Variants in ABLIM1 observed in about 807,000 individuals in gnomAD.
The protein encoded by ABLIM1 is actin-binding LIM protein 1.
A neutral mutation model predicts 107.0 loss-of-function variants in ABLIM1; 40 were observed. That is an observed-to-expected ratio of 0.37 (90% CI 0.29 to 0.49). ABLIM1 has a LOEUF of 0.49. Among genes scored for constraint, ABLIM1 ranks in the 20% least tolerant of loss-of-function variants. The probability of loss-of-function intolerance (pLI) is 0.97; values close to 1 mark genes in which losing one functional copy is unlikely to be tolerated. For synonymous variants in ABLIM1, 357 were observed against 357.3 expected (o/e 1.00, Z 0.01); for missense variants, 857 against 1,008.5 (o/e 0.85, Z 2.04).
At chr10:114,558,935 G>GTA (rs2069195855) in intron 4 of ABLIM1, among the ~76,000 whole-genome samples, 3 of 151,860 alleles carry the variant, frequency 2.0e-5, no homozygotes, top group South Asian at 2.1e-4. Flanking sequence ...GTGTGTGTGT[G>GTA]TATACATGTA....
At chr10:114,461,219 T>C (rs893297963) in intron 12 of ABLIM1, among the ~76,000 whole-genome samples, 1 of 151,892 alleles carries the variant, frequency 6.6e-6, no homozygotes, top group Non-Finnish European at 1.5e-5. Flanking sequence ...CGCACCACCA[T>C]GCCCGGCTAA....
chr10:114,460,974 T>C (rs1225948341), intron 12 of ABLIM1, among the ~76,000 whole-genome samples: 1 of 152,246 alleles, frequency 6.6e-6, no homozygotes, highest in East Asian at 1.9e-4. Context: ...AGTTAAAACA[T>C]ATAATAGCCA....
rs2062203900 is a variant in ABLIM1, at chr10:114,453,425, A to G, written c.1500T>C (p.Pro500=). The change falls in exon 13 of 23, where the codon CCT becomes CCC. Residue 500 remains proline, a synonymous_variant. Coordinates refer to ENST00000533213, the MANE Select transcript of ABLIM1 (RefSeq NM_002313.7). Reference sequence around the variant, plus strand: ...GGGCCTGAGCGTAAGTTGGAGTTAGAGGGCGGCTGTCTGGCCGGTAAGGGA... The same window carrying G: ...GGGCCTGAGCGTAAGTTGGAGTTAGGGGGCGGCTGTCTGGCCGGTAAGGGA... ...SPLPYRPDSR[P]LTPTYAQAPK... is the part of the protein sequence containing the mutation. 6.2e-7 allele frequency: 1 copy of G among 1,613,876 alleles called. No individual in the cohort carries two copies. Among genetic ancestry groups the G allele is most frequent in the East Asian group, 2.2e-5 (1 of 44,860 alleles).
chr10:114,725,593 G>C (rs1267003286), intron 1 of ABLIM1, among the ~76,000 whole-genome samples: 1 of 152,030 alleles, frequency 6.6e-6, no homozygotes, highest in Non-Finnish European at 1.5e-5. Context: ...TTGAGGAGAT[G>C]CACTGGGAGT....
chr10:114,462,812 T>C (rs1473658879), intron 12 of ABLIM1, among the ~76,000 whole-genome samples: 1 of 152,074 alleles, frequency 6.6e-6, no homozygotes, highest in Non-Finnish European at 1.5e-5. Context: ...CTTATGGTCT[T>C]AAACATACTT....
chr10:114,452,534 C>T (rs185390625), intron 13 of ABLIM1, among the ~76,000 whole-genome samples: 281 of 150,976 alleles, frequency 1.9e-3, no homozygotes, highest in Non-Finnish European at 3.5e-3. Flanking sequence ...AGTTTAGAAG[C>T]AAAAGAAAAA....
chr10:114,592,466 T>C (rs2074991646), intron 2 of ABLIM1, among the ~76,000 whole-genome samples: 1 of 152,032 alleles, frequency 6.6e-6, no homozygotes, highest in Admixed American at 6.6e-5. Context: ...GAAGGTCAAA[T>C]TGAGGTCTGT....
At chr10:114,444,162 A>C (rs2060664920) in intron 16 of ABLIM1, 28 bp from the exon 17 acceptor site, 15 of 1,516,676 alleles carry the variant, frequency 9.9e-6, no homozygotes, top group Admixed American at 2.2e-5. Flanking sequence ...GAAAAAAAAA[A>C]AAAAAAGAAA....
At chr10:114,763,866 T>A (rs577348280) in intron 1 of ABLIM1, among the ~76,000 whole-genome samples, 191 of 152,292 alleles carry the variant, frequency 1.3e-3, no homozygotes, top group African/African-American at 4.4e-3. Context: ...ATATTCTGAT[T>A]TAGTAGCTCT....
intron 1 of ABLIM1, among the ~76,000 whole-genome samples, chr10:114,646,679 C>T (rs1232478799): frequency 7.2e-5 from 11 of 152,194 alleles, no homozygotes; most frequent in Admixed American, 5.9e-4. Flanking sequence ...GTGGTCCTCA[C>T]GACTACAGGA....
At chr10:114,616,150 T>C (rs747121220) in intron 1 of ABLIM1, among the ~76,000 whole-genome samples, 1 of 152,018 alleles carries the variant, frequency 6.6e-6, no homozygotes, top group Non-Finnish European at 1.5e-5. Flanking sequence ...TTGGGAGACA[T>C]AGCAAGACCC....
intron 1 of ABLIM1, among the ~76,000 whole-genome samples, chr10:114,695,564 T>C (rs1252740648): frequency 2.6e-5 from 4 of 152,068 alleles, no homozygotes; most frequent in Non-Finnish European, 4.4e-5. Context: ...GCAATAATTA[T>C]CCCCCTTTTC....
At position 114,487,965 on chromosome 10, in the gene ABLIM1, T is replaced by C. The variant is rs774893980; in HGVS notation, c.1034A>G (p.Lys345Arg). The change falls in exon 8 of 23, where the codon AAG becomes AGG. Residue 345 changes from lysine (K) to arginine (R), a missense_variant. By Grantham distance (26) the Lys-to-Arg change is conservative. This residue lies in a region of ABLIM1 where 381 missense variants were observed against 506.9 expected (regional missense o/e 0.75). Transcript: ENST00000533213. ...DCKQSTKTEEKLRPTRTSSES... is the reference protein window; with the variant it reads ...DCKQSTKTEERLRPTRTSSES... ...TTTTAATTGTGTCCTTACCCGCAGC[T>C]TTTCCTCGGTCTTCGTAGATTGCTT... is the stretch of plus-strand genomic sequence containing the variant. 3 of 1,614,160 alleles carry C rather than the reference T, an allele frequency of 1.9e-6. No individual in the cohort carries two copies. The highest frequency in any genetic ancestry group is 2.2e-5 in the East Asian group (1 of 44,890).
At chr10:114,674,197 C>T (rs1251202386) in intron 1 of ABLIM1, among the ~76,000 whole-genome samples, 2 of 150,862 alleles carry the variant, frequency 1.3e-5, no homozygotes, top group Non-Finnish European at 1.5e-5. Flanking sequence ...GGCTGAGGCA[C>T]CAGAATTGCT....
chr10:114,706,858 A>T (rs866558412), intron 1 of ABLIM1, among the ~76,000 whole-genome samples: 3,890 of 148,978 alleles, frequency 0.026, 73 homozygotes, highest in Middle Eastern at 0.056. Context: ...TTCTACTTTA[A>T]AAAAAAAAAA....
Position 114,439,200 on chromosome 10 carries a change from A to T in ABLIM1, c.2118T>A (p.Ser706=), listed in dbSNP as rs756123104. 1 of 1,614,266 alleles carries T rather than the reference A, an allele frequency of 6.2e-7. No individual in the cohort carries two copies. The highest frequency in any genetic ancestry group is 8.5e-7 in the Non-Finnish European group (1 of 1,180,044). ...CCTTTGGTTCCAACATGTTGGGCAT[A>T]GACACTCCTCGGTCCATTCTCATTG... ...MPAMRMDRGV[S]MPNMLEPKIF... The change falls in exon 21 of 23, where the codon TCT becomes TCA. Residue 706 remains serine, a synonymous_variant. Coordinates refer to ENST00000533213, the MANE Select transcript of ABLIM1 (RefSeq NM_002313.7).
At chr10:114,695,377 T>A (rs763705242) in intron 1 of ABLIM1, among the ~76,000 whole-genome samples, 1 of 152,012 alleles carries the variant, frequency 6.6e-6, no homozygotes, top group Non-Finnish European at 1.5e-5. Context: ...CCCACTGGAG[T>A]AACCATTACT....
chr10:114,484,657 A>G (rs969030373), intron 8 of ABLIM1, among the ~76,000 whole-genome samples: 1 of 152,164 alleles, frequency 6.6e-6, no homozygotes, highest in Non-Finnish European at 1.5e-5. Context: ...TGCTGGGATT[A>G]CAGGCGTGAG....
intron 6 of ABLIM1, among the ~76,000 whole-genome samples, chr10:114,543,331 C>T (rs1251825059): frequency 6.6e-6 from 1 of 152,206 alleles, no homozygotes; most frequent in Non-Finnish European, 1.5e-5. Context: ...CCCCTTCCCC[C>T]AGCCTTTGGC....
Sources: allele counts gnomAD v4.1 joint callset (sites outside exome capture counted in the v4.1 genomes callset), GRCh38; gene constraint gnomAD v4.1.1; regional missense constraint gnomAD v4.1.1; transcripts MANE v1.5; gene names NCBI Gene and HGNC (gene_info 2026-07-23, HGNC 2026-07-21).